ANO1: variants seen among roughly 807,000 people sequenced by gnomAD.
ANO1 encodes the protein anoctamin 1.
A neutral mutation model predicts 124.0 loss-of-function variants in ANO1; 59 were observed. The ratio of observed to expected loss-of-function variants is 0.48; its 90% CI spans 0.39 to 0.59. The LOEUF (loss-of-function observed/expected upper bound fraction) is 0.59, where lower values mean the gene tolerates loss of function less well. Ranked by LOEUF, ANO1 falls within the 20% of genes least tolerant of loss-of-function variation. The pLI is 0.00. For synonymous variants in ANO1, 529 were observed against 532.0 expected (o/e 0.99, Z 0.08); for missense variants, 1,059 against 1,328.0 (o/e 0.80, Z 3.15).
chr11:70,111,963 A>C (rs1174503693), intron 7 of ANO1, among the ~76,000 whole-genome samples: 2 of 131,998 alleles, frequency 1.5e-5, no homozygotes, highest in East Asian at 2.3e-4. Context: ...CTTTTCTTGC[A>C]AAACAATCCC....
At chr11:70,114,794 G>A (rs760533099) in intron 7 of ANO1, among the ~76,000 whole-genome samples, 2 of 152,160 alleles carry the variant, frequency 1.3e-5, no homozygotes, top group Admixed American at 6.6e-5. Flanking sequence ...AGCTACTAGG[G>A]AGGCTGAGGC....
At chr11:70,098,057 C>T (rs1313450456) in intron 2 of ANO1, among the ~76,000 whole-genome samples, 2 of 152,210 alleles carry the variant, frequency 1.3e-5, no homozygotes, top group African/African-American at 4.8e-5. Flanking sequence ...AATGTGAACC[C>T]CTTGGGGCAC....
chr11:70,187,771 T>C lies in ANO1; in HGVS notation c.2728T>C (p.Trp910Arg), dbSNP rs778273231. 4.3e-6 allele frequency: 7 copies of C among 1,609,580 alleles called. No individual in the cohort carries two copies. Among genetic ancestry groups the C allele is most frequent in the Admixed American group, 1.7e-5 (1 of 59,442 alleles). The change falls in exon 26 of 26, where the codon TGG (tryptophan) becomes CGG (arginine). Residue 910 changes from tryptophan to arginine, a missense_variant. Trp to Arg is a moderately radical substitution (Grantham distance 101). This residue lies in a region of ANO1 where 809 missense variants were observed against 1,094.9 expected (regional missense o/e 0.74). Coordinates refer to ENST00000355303, the MANE Select transcript of ANO1 (RefSeq NM_018043.7). ...CATGTTCATGAGCGACTTTGTGGAC[T>C]GGGTCATCCCGGACATCCCCAAGGA... ...LVMFMSDFVD[W>R]VIPDIPKDIS... is the part of the protein sequence containing the mutation.
At chr11:70,059,996 A>G (rs185316261) in intron 1 of ANO1, among the ~76,000 whole-genome samples, 41 of 110,672 alleles carry the variant, frequency 3.7e-4, no homozygotes, top group African/African-American at 1.4e-3. Flanking sequence ...TGGCATAGAC[A>G]TTTTCCTTTG....
At chr11:70,083,996 A>G (rs546124458) in intron 1 of ANO1, among the ~76,000 whole-genome samples, 6 of 152,294 alleles carry the variant, frequency 3.9e-5, no homozygotes, top group African/African-American at 1.4e-4. Flanking sequence ...CAAAGGGCTG[A>G]GAAGGACAGA....
Position 70,095,427 on chromosome 11 carries a change from A to AAAGAAAAG in ANO1, c.441+7345_441+7346insGAAAAGAA, listed in dbSNP as rs10667749. On this transcript the variant is annotated intron_variant, in intron 2 of 25. Transcript: ENST00000355303. ...GAAAGAAAGAAAGAAAGAAAGAAAGAAAAGAAAAGAAAGAAAGAGGGAAAG... is the reference window on the plus strand; with the variant it reads ...GAAAGAAAGAAAGAAAGAAAGAAAGAAAGAAAAGAAAGAAAAGAAAGAAAGAGGGAAAG... Among the ~76,000 whole-genome samples the AAAGAAAAG allele has an allele frequency of 8.7e-3, 267 of 30,688 alleles. 26 individuals carry two copies. Among genetic ancestry groups the AAAGAAAAG allele is most frequent in the African/African-American group, 9.8e-3 (83 of 8,484 alleles). The allele number at this position is 30,688 out of a possible 152,430, so 20.1% of individuals were successfully genotyped here.
chr11:70,001,291 A>G (rs1463098666), intron 1 of ANO1, among the ~76,000 whole-genome samples: 1 of 152,164 alleles, frequency 6.6e-6, no homozygotes, highest in African/African-American at 2.4e-5. Context: ...GCCTCTACTC[A>G]TGGGTAGTTG....
In ANO1 at chr11:70,054,021, A is replaced by G. The variant is rs549426645; in HGVS notation, c.59-24521A>G. ...TTTCCTGTCTGTAGAAACTGTCGTA[A>G]TGTCTGCTTTCTCTTTCTTGTTATC... On this transcript the variant is annotated intron_variant, in intron 1 of 27. Transcript: ENST00000531349. Among the ~76,000 whole-genome samples, 3 of 152,226 alleles carry G rather than the reference A, an allele frequency of 2.0e-5. No individual in the cohort carries two copies. In the South Asian group the frequency reaches 6.2e-4, roughly 32 times the overall value.
intron 1 of ANO1, among the ~76,000 whole-genome samples, chr11:69,986,804 C>G (rs1397236161): frequency 1.3e-5 from 2 of 152,114 alleles, no homozygotes; most frequent in Non-Finnish European, 2.9e-5. Context: ...AGCCCTGTTT[C>G]CTGGATGATT....
intron 1 of ANO1, among the ~76,000 whole-genome samples, chr11:70,028,007 T>C (rs1450762413): frequency 6.6e-6 from 1 of 152,234 alleles, no homozygotes. Context: ...CCGTGGGTTT[T>C]TTAAGAAGCA....
At chr11:69,984,942 G>C (rs887954100), upstream of ANO1, among the ~76,000 whole-genome samples, 2 of 152,228 alleles carry the variant, frequency 1.3e-5, no homozygotes, top group African/African-American at 4.8e-5. Context: ...AGAATTTATG[G>C]TATTTATCTG....
chr11:70,029,786 T>C (rs1555003616), intron 1 of ANO1, among the ~76,000 whole-genome samples: 1 of 152,164 alleles, frequency 6.6e-6, no homozygotes, highest in Non-Finnish European at 1.5e-5. Flanking sequence ...GGCAGGGCCC[T>C]TCCTGCCTCT....
At chr11:70,117,100 CTT>C (rs756764991) in intron 8 of ANO1, among the ~76,000 whole-genome samples, 516 of 61,458 alleles carry the variant, frequency 8.4e-3, no homozygotes, top group African/African-American at 0.019. Context: ...TTGTTTCTTT[CTT>C]TTTTTTTTTT....
chr11:70,153,307 C>T (rs1375035338), intron 14 of ANO1, among the ~76,000 whole-genome samples, 179 bp downstream of exon 14: 1 of 152,230 alleles, frequency 6.6e-6, no homozygotes, highest in East Asian at 1.9e-4. Context: ...AACACATGGG[C>T]CTGTGTTCCA....
At chr11:70,006,561 T>A (rs191426972) in intron 1 of ANO1, among the ~76,000 whole-genome samples, 1 of 112,722 alleles carries the variant, frequency 8.9e-6, no homozygotes, top group Admixed American at 9.4e-5. Context: ...TTTCTTTCTT[T>A]CTTTTCTTTC....
chr11:70,186,881 G>A (rs1050882815), intron 25 of ANO1, among the ~76,000 whole-genome samples: 1 of 152,242 alleles, frequency 6.6e-6, no homozygotes, highest in Admixed American at 6.5e-5. Flanking sequence ...TGCAAAAGGT[G>A]TGTGGGGCTG....
chr11:70,155,218 C>G (rs2047761905), intron 14 of ANO1, among the ~76,000 whole-genome samples: 2 of 152,236 alleles, frequency 1.3e-5, no homozygotes, highest in Non-Finnish European at 2.9e-5. Context: ...CCTAACCAAG[C>G]CACAACAGCG....
the ANO1 span, among the ~76,000 whole-genome samples, chr11:69,969,276 C>T: frequency 6.6e-6 from 1 of 152,164 alleles, no homozygotes; most frequent in African/African-American, 2.4e-5. Context: ...GGTAGCCTTC[C>T]TCCTAGGGCA....
chr11:70,143,500 C>T (rs750495230), intron 11 of ANO1, among the ~76,000 whole-genome samples: 6 of 152,066 alleles, frequency 3.9e-5, no homozygotes, highest in South Asian at 4.1e-4. Context: ...TGGAGAAGGA[C>T]GGCAGAAAGA....
Sources: allele counts gnomAD v4.1 joint callset (sites outside exome capture counted in the v4.1 genomes callset), GRCh38; gene constraint gnomAD v4.1.1; regional missense constraint gnomAD v4.1.1; transcripts MANE v1.5; gene names NCBI Gene and HGNC (gene_info 2026-07-23, HGNC 2026-07-21).